The following RUNX2 variants were observed in gnomAD, a reference collection of about 807,000 sequenced individuals.
RUNX2 encodes the protein RUNX family transcription factor 2.
In RUNX2, 10 loss-of-function variants were observed where a neutral mutation model predicts 51.7. The ratio of observed to expected loss-of-function variants is 0.19; its 90% confidence interval spans 0.12 to 0.33. The LOEUF is 0.33. Among genes scored for constraint, RUNX2 ranks in the 10% least tolerant of loss-of-function variants. The pLI, the probability that RUNX2 is intolerant of heterozygous loss-of-function variation, is 1.00. For missense variants in RUNX2, 562 were observed against 691.3 expected, an observed-to-expected ratio of 0.81 and a Z score of 2.10; for synonymous variants, 276 against 273.6, an observed-to-expected ratio of 1.01 and a Z score of -0.09.
At chr6:45,437,652 T>G (rs190975772) in intron 4 of RUNX2, among the ~76,000 whole-genome samples, 3 of 152,200 alleles carry the variant, frequency 2.0e-5, no homozygotes. Context: ...CTTCCTCAAG[T>G]GGACCAGGGT....
At chr6:45,465,427 A>ACTATT (rs1280461847) in intron 5 of RUNX2, among the ~76,000 whole-genome samples, 6 of 151,892 alleles carry the variant, frequency 4.0e-5, no homozygotes, top group Non-Finnish European at 8.8e-5. Context: ...TTCTCAAAGG[A>ACTATT]CTCTAATTTT....
chr6:45,491,426 G>A (rs970799134), intron 5 of RUNX2, among the ~76,000 whole-genome samples: 1 of 152,066 alleles, frequency 6.6e-6, no homozygotes, highest in African/African-American at 2.4e-5. Flanking sequence ...AAGAGTCTTA[G>A]TAAAGAGTAG....
At chr6:45,530,037 G>A (rs571891961) in intron 7 of RUNX2, among the ~76,000 whole-genome samples, 5 of 152,308 alleles carry the variant, frequency 3.3e-5, no homozygotes, top group Admixed American at 6.5e-5. Flanking sequence ...TGGAGATGTG[G>A]TTATCTTTCA....
intron 2 of RUNX2, among the ~76,000 whole-genome samples, chr6:45,343,788 T>C (rs1790306835): frequency 6.6e-6 from 1 of 152,160 alleles, no homozygotes; most frequent in African/African-American, 2.4e-5. Flanking sequence ...CACAGAAGTT[T>C]GTGAGGCATG....
In RUNX2 at chr6:45,547,365, A is replaced by G. The variant is rs907436046; in HGVS notation, c.*60A>G. Reference sequence around the variant, plus strand: ...CCACATCCCACACGTATCAATATATACATATATAGAGAGAGTGCATATATA... The same window carrying G: ...CCACATCCCACACGTATCAATATATGCATATATAGAGAGAGTGCATATATA... On this transcript the variant is annotated 3_prime_UTR_variant, in exon 9 of 9. Transcript: ENST00000647337. 11 of 1,251,472 alleles carry G rather than the reference A, an allele frequency of 8.8e-6. No individual in the cohort carries two copies. Among genetic ancestry groups the G allele is most frequent in the African/African-American group, 1.5e-5 (1 of 67,830 alleles). The allele number at this position is 1,251,472 out of a possible 1,614,324, so 77.5% of individuals were successfully genotyped here. A position where few individuals can be genotyped will look rare whatever the true frequency, so the allele number is the denominator to read the frequency against.
At chr6:45,502,652 C>T (rs1800831494) in intron 6 of RUNX2, among the ~76,000 whole-genome samples, 1 of 152,146 alleles carries the variant, frequency 6.6e-6, no homozygotes, top group South Asian at 2.1e-4. Context: ...GAGTGCAGCC[C>T]CTGGACTCCA....
chr6:45,423,886 G>A (rs1458331946), intron 3 of RUNX2, among the ~76,000 whole-genome samples: 1 of 152,230 alleles, frequency 6.6e-6, no homozygotes, highest in Non-Finnish European at 1.5e-5. Flanking sequence ...TTCCAGCCGG[G>A]ACCGAGCTCT....
chr6:45,393,902 G>A (rs562159569), intron 2 of RUNX2, among the ~76,000 whole-genome samples: 2 of 151,656 alleles, frequency 1.3e-5, no homozygotes, highest in South Asian at 4.2e-4. Flanking sequence ...GAGTAGGGTT[G>A]GGGTTGGGTA....
At chr6:45,426,329 C>T (rs909275690) in intron 3 of RUNX2, among the ~76,000 whole-genome samples, 3 of 152,112 alleles carry the variant, frequency 2.0e-5, no homozygotes. Flanking sequence ...TTAGGGCATA[C>T]TATTAGAGGA....
At chr6:45,391,218 A>C (rs1797462043) in intron 2 of RUNX2, among the ~76,000 whole-genome samples, 1 of 152,188 alleles carries the variant, frequency 6.6e-6, no homozygotes, top group Non-Finnish European at 1.5e-5. Context: ...GAAGGTGACT[A>C]GATCATGGGG....
At chr6:45,337,151 T>C (rs1009409615) in intron 2 of RUNX2, among the ~76,000 whole-genome samples, 2 of 151,752 alleles carry the variant, frequency 1.3e-5, no homozygotes, top group African/African-American at 4.8e-5. Flanking sequence ...CCTTTTGAAC[T>C]GCCCATATGA....
intron 5 of RUNX2, 96 bp downstream of exon 5, chr6:45,438,147 T>C (rs1312182821): frequency 4.8e-6 from 4 of 825,856 alleles, no homozygotes; most frequent in African/African-American, 1.7e-5. Flanking sequence ...TTCATGTCCA[T>C]AGTGTCTTTG....
intron 2 of RUNX2, among the ~76,000 whole-genome samples, chr6:45,397,135 G>A (rs1224266958): frequency 1.3e-5 from 2 of 148,950 alleles, no homozygotes; most frequent in African/African-American, 2.5e-5. Flanking sequence ...ACTGAGTCTC[G>A]CTCTGTCGCC....
intron 2 of RUNX2, among the ~76,000 whole-genome samples, chr6:45,369,514 T>A (rs1362029950): frequency 1.3e-5 from 2 of 152,136 alleles, no homozygotes; most frequent in African/African-American, 2.4e-5. Context: ...TGACATCATC[T>A]TCTACTTCCA....
chr6:45,472,073 G>T (rs1312070699), intron 5 of RUNX2, among the ~76,000 whole-genome samples: 3 of 152,002 alleles, frequency 2.0e-5, no homozygotes, highest in Non-Finnish European at 2.9e-5. Context: ...ACTGAAGCTT[G>T]TTTGATAGTA....
At chr6:45,367,076 C>T (rs1795258585) in intron 2 of RUNX2, among the ~76,000 whole-genome samples, 1 of 152,154 alleles carries the variant, frequency 6.6e-6, no homozygotes. Flanking sequence ...AAAGCTACTA[C>T]AAATCACTGA....
At chr6:45,415,161 T>C (rs1798041340) in intron 2 of RUNX2, among the ~76,000 whole-genome samples, 1 of 152,142 alleles carries the variant, frequency 6.6e-6, no homozygotes, top group Admixed American at 6.5e-5. Context: ...CATATCAGTC[T>C]AAGTCCAATG....
chr6:45,451,362 A>G (rs534902576), intron 5 of RUNX2, among the ~76,000 whole-genome samples: 166 of 152,334 alleles, frequency 1.1e-3, no homozygotes, highest in African/African-American at 3.8e-3. Flanking sequence ...GGCTACCTAT[A>G]TAAGTAGATT....
intron 2 of RUNX2, among the ~76,000 whole-genome samples, chr6:45,404,293 A>C (rs1288610977): frequency 7.3e-6 from 1 of 136,796 alleles, no homozygotes; most frequent in Non-Finnish European, 1.6e-5. Context: ...AAAAAGAAAA[A>C]AAAAAGGAAA....
Sources: gnomAD v4.1 joint callset for allele counts (sites outside exome capture counted in the v4.1 genomes callset) on GRCh38, gnomAD v4.1.1 for gene constraint, MANE v1.5 for transcripts, NCBI Gene and HGNC (gene_info 2026-07-23, HGNC 2026-07-21) for gene names.